Variants in GATAD1 observed in about 807,000 individuals in gnomAD.
GATAD1 encodes the protein GATA zinc finger domain containing 1.
In GATAD1, 12 loss-of-function variants were observed where a neutral mutation model predicts 26.5. The ratio of observed to expected loss-of-function variants is 0.45; its 90% CI spans 0.29 to 0.73. The LOEUF is 0.73. Among genes scored for constraint, GATAD1 ranks in the 30% least tolerant of loss-of-function variants. The pLI is 0.10. For synonymous variants in GATAD1, 129 were observed against 133.1 expected (o/e 0.97, Z 0.21); for missense variants, 266 against 342.1 (o/e 0.78, Z 1.75).
chr7:92,450,491 C>G (rs748990916), intron 2 of GATAD1: 9 of 535,712 alleles, frequency 1.7e-5, no homozygotes, highest in Non-Finnish European at 3.0e-5. Context: ...TTTGTCTCAG[C>G]AATTTTTAAG....
the GATAD1 span, chr7:92,493,132 G>A: frequency 6.5e-7 from 1 of 1,529,310 alleles, no homozygotes. Flanking sequence ...CGTGACACCT[G>A]AAAGGAGAAA....
At position 92,456,805 on chromosome 7, in the gene GATAD1, T is replaced by A; in HGVS notation, c.*243T>A. 1 of 420,264 alleles carries A rather than the reference T, an allele frequency of 2.4e-6. No homozygotes were observed. Among genetic ancestry groups the A allele is most frequent in the East Asian group, 3.8e-5 (1 of 26,472 alleles). 26.0% of individuals were successfully genotyped at this position (420,264 alleles called of 1,614,324 possible). A position where few individuals can be genotyped will look rare whatever the true frequency, so the allele number is the denominator to read the frequency against. The stretch of plus-strand genomic sequence containing the variant: ...AAGTTTTTCTCCTGCTACCTAGTAA[T>A]AAACAAATCATTGTTTATTACTGGT... On this transcript the variant is annotated 3_prime_UTR_variant, in exon 5 of 5. Coordinates refer to ENST00000287957, the MANE Select transcript of GATAD1 (RefSeq NM_021167.5).
the GATAD1 span, among the ~76,000 whole-genome samples, chr7:92,483,617 T>C: frequency 6.6e-6 from 1 of 152,266 alleles, no homozygotes; most frequent in Non-Finnish European, 1.5e-5. Context: ...GGCTGGGTTT[T>C]TATATTTGAT....
At chr7:92,494,370 G>A in the GATAD1 span, 40 of 1,613,750 alleles carry the variant, frequency 2.5e-5, no homozygotes, top group African/African-American at 9.3e-5. Context: ...AAGTCAGGGC[G>A]ACTAGTAGCA....
At chr7:92,492,163 T>G in the GATAD1 span, among the ~76,000 whole-genome samples, 1 of 152,164 alleles carries the variant, frequency 6.6e-6, no homozygotes, top group Non-Finnish European at 1.5e-5. Flanking sequence ...TTTTCTTTTT[T>G]GGGGGCAGGG....
chr7:92,452,131 C>T (rs1478915128), intron 3 of GATAD1, among the ~76,000 whole-genome samples: 2 of 152,192 alleles, frequency 1.3e-5, no homozygotes, highest in Non-Finnish European at 2.9e-5. Flanking sequence ...TGTGCATTAC[C>T]TTCACAGTTT....
Position 92,458,548 on chromosome 7 carries a change from G to A in GATAD1, c.*1986G>A, listed in dbSNP as rs1489335797. 1 of 152,284 alleles carries A rather than the reference G, an allele frequency of 6.6e-6. No homozygotes were observed. Among genetic ancestry groups the A allele is most frequent in the African/African-American group, 2.4e-5 (1 of 41,558 alleles). The allele number at this position is 152,284 out of a possible 1,614,324, so 9.4% of individuals were successfully genotyped here. A position where few individuals can be genotyped will look rare whatever the true frequency, so the allele number is the denominator to read the frequency against. ...CAACACGTAAAATGGGAGAGGAGTG[G>A]GGTGTACTCACTTGCCTCCTCTTTT... On this transcript the variant is annotated 3_prime_UTR_variant, in exon 5 of 5. Coordinates refer to ENST00000287957, the MANE Select transcript of GATAD1 (RefSeq NM_021167.5).
chr7:92,470,185 G>A, the GATAD1 span: 1 of 778,788 alleles, frequency 1.3e-6, no homozygotes, highest in Non-Finnish European at 2.4e-6. Context: ...GGGCATATGG[G>A]TGTGGGCAGT....
chr7:92,461,575 G>A (rs2115910648), downstream of GATAD1, among the ~76,000 whole-genome samples: 1 of 152,316 alleles, frequency 6.6e-6, no homozygotes, highest in South Asian at 2.1e-4. Flanking sequence ...TTTTTGCTAT[G>A]AATATGTAGT....
the GATAD1 span, among the ~76,000 whole-genome samples, chr7:92,475,588 G>C: frequency 1.3e-5 from 2 of 151,660 alleles, no homozygotes; most frequent in African/African-American, 4.9e-5. Flanking sequence ...TCCTTTCCAG[G>C]GTGCGTAACC....
the GATAD1 span, among the ~76,000 whole-genome samples, chr7:92,481,483 G>A: frequency 4.6e-5 from 7 of 152,204 alleles, no homozygotes; most frequent in South Asian, 8.3e-4. Context: ...TTAGGGCAGC[G>A]GAAGCTACCG....
Position 92,459,691 on chromosome 7 carries a change from C to T in GATAD1, c.*3129C>T, listed in dbSNP as rs1789844916. 6.6e-6 allele frequency among the ~76,000 whole-genome samples: 1 copy of T among 152,232 alleles called. No homozygotes were observed. The highest frequency in any genetic ancestry group is 2.4e-5 in the African/African-American group (1 of 41,468). On this transcript the variant is annotated 3_prime_UTR_variant, in exon 5 of 5. Coordinates refer to ENST00000287957, the MANE Select transcript of GATAD1 (RefSeq NM_021167.5). The stretch of plus-strand genomic sequence containing the variant: ...TTGGAATCAATCTCTATCCTATTGT[C>T]ATCACATTTAAGTTTCTACTTCCAT...
At chr7:92,492,884 T>G in the GATAD1 span, 1 of 1,226,352 alleles carries the variant, frequency 8.2e-7, no homozygotes, top group East Asian at 2.3e-5. Flanking sequence ...TTTTTTAAGG[T>G]GGAAATTTTG....
downstream of GATAD1, among the ~76,000 whole-genome samples, chr7:92,460,177 A>C (rs1789867585): frequency 6.6e-6 from 1 of 152,218 alleles, no homozygotes; most frequent in Non-Finnish European, 1.5e-5. Flanking sequence ...AATAGAGGGA[A>C]ATGTATTTAT....
At chr7:92,465,360 G>A in the GATAD1 span, among the ~76,000 whole-genome samples, 1 of 152,218 alleles carries the variant, frequency 6.6e-6, no homozygotes, top group Non-Finnish European at 1.5e-5. Context: ...GCTCATGCCT[G>A]TAATCCTGGC....
downstream of GATAD1, among the ~76,000 whole-genome samples, chr7:92,462,341 C>T (rs956162588): frequency 1.3e-5 from 2 of 149,134 alleles, no homozygotes; most frequent in African/African-American, 4.9e-5. Context: ...AAAACCTGGA[C>T]ACAACTACAT....
rs1243487355 is a variant in GATAD1 at position 92,447,592 on chromosome 7, C to T, written c.-138C>T. The T allele has an allele frequency of 4.2e-6, 5 of 1,180,290 alleles. No individual in the cohort carries two copies. Among genetic ancestry groups the T allele is most frequent in the African/African-American group, 3.2e-5 (2 of 61,730 alleles). The allele number at this position is 1,180,290 out of a possible 1,614,324, so 73.1% of individuals were successfully genotyped here. A position where few individuals can be genotyped will look rare whatever the true frequency, so the allele number is the denominator to read the frequency against. On this transcript the variant is annotated 5_prime_UTR_variant, in exon 1 of 5. Transcript: ENST00000287957. Reference sequence around the variant, plus strand: ...ACGGGGCAGCGCCAGCGGCCTGGTCCTTTCACCGGCAGCTCCGTGCCGACG... The same window carrying T: ...ACGGGGCAGCGCCAGCGGCCTGGTCTTTTCACCGGCAGCTCCGTGCCGACG...
chr7:92,491,354 T>C, the GATAD1 span: 4 of 1,613,896 alleles, frequency 2.5e-6, no homozygotes, highest in South Asian at 1.1e-5. Context: ...TTTTGATTCA[T>C]CTGGAAGGAT....
the GATAD1 span, among the ~76,000 whole-genome samples, chr7:92,467,279 C>T: frequency 6.6e-6 from 1 of 151,984 alleles, no homozygotes; most frequent in African/African-American, 2.4e-5. Context: ...CACCATTGCA[C>T]TCCAGCCTGG....
Sources: gnomAD v4.1 joint callset for allele counts (sites outside exome capture counted in the v4.1 genomes callset) on GRCh38, gnomAD v4.1.1 for gene constraint, MANE v1.5 for transcripts, NCBI Gene and HGNC (gene_info 2026-07-23, HGNC 2026-07-21) for gene names.